The following HS2ST1 variants were observed in gnomAD, a reference collection of about 807,000 sequenced individuals.
The protein encoded by HS2ST1 is heparan sulfate 2-O-sulfotransferase 1.
Under a neutral mutation model 42.9 loss-of-function variants are expected in HS2ST1, and 18 were observed. That is an observed-to-expected ratio of 0.42 (90% confidence interval 0.29 to 0.62). The LOEUF (loss-of-function observed/expected upper bound fraction) is 0.62, where lower values mean the gene tolerates loss of function less well. Among genes scored for constraint, HS2ST1 ranks in the 20% least tolerant of loss-of-function variants. The probability of loss-of-function intolerance (pLI) is 0.21; values close to 1 mark genes in which losing one functional copy is unlikely to be tolerated. For missense variants in HS2ST1, 334 were observed against 433.8 expected (o/e 0.77, Z 2.04); for synonymous variants, 146 against 152.9 (o/e 0.95, Z 0.33).
chr1:87,064,574 G>A, intron 1 of HS2ST1: 3 of 514,486 alleles, frequency 5.8e-6, no homozygotes, highest in Admixed American at 3.9e-5. Flanking sequence ...GAAAGCATTT[G>A]TCAGTGTTCA....
chr1:86,924,589 C>T (rs549571633), intron 1 of HS2ST1, among the ~76,000 whole-genome samples: 1 of 152,190 alleles, frequency 6.6e-6, no homozygotes, highest in South Asian at 2.1e-4. Context: ...TTCTTGACTT[C>T]TGTGCACTCG....
intron 1 of HS2ST1, among the ~76,000 whole-genome samples, chr1:87,013,167 T>A (rs1649652715): frequency 6.6e-6 from 1 of 151,420 alleles, no homozygotes; most frequent in Non-Finnish European, 1.5e-5. Flanking sequence ...GTATAGGGGC[T>A]CCCACAGAGC....
intron 4 of HS2ST1, among the ~76,000 whole-genome samples, chr1:87,097,405 T>G (rs965595304): frequency 6.7e-6 from 1 of 148,170 alleles, no homozygotes; most frequent in Non-Finnish European, 1.5e-5. Context: ...TTTGTTTTTG[T>G]TTTTTTTGAG....
chr1:86,937,019 C>G (rs1264959613), intron 1 of HS2ST1, among the ~76,000 whole-genome samples: 1 of 151,264 alleles, frequency 6.6e-6, no homozygotes, highest in East Asian at 1.9e-4. Context: ...GCAGGACAAT[C>G]GCTTGAACCC....
chr1:87,065,642 A>G (rs1026044554), intron 1 of HS2ST1, among the ~76,000 whole-genome samples: 2 of 152,160 alleles, frequency 1.3e-5, no homozygotes, highest in Non-Finnish European at 2.9e-5. Context: ...AAGAGAGCAT[A>G]ATTTTCTCAT....
chr1:87,087,487 C>T (rs925773849), intron 3 of HS2ST1, among the ~76,000 whole-genome samples: 3 of 151,960 alleles, frequency 2.0e-5, no homozygotes, highest in Non-Finnish European at 2.9e-5. Flanking sequence ...TCCATATTGC[C>T]GCTAGTATCA....
intron 1 of HS2ST1, chr1:86,934,694 G>C (rs1660606827): frequency 1.3e-5 from 2 of 152,386 alleles, no homozygotes; most frequent in East Asian, 3.9e-4. Context: ...TTGGGAGGCC[G>C]AGGTGGGCGG....
intron 1 of HS2ST1, among the ~76,000 whole-genome samples, chr1:86,930,791 G>A (rs144376946): frequency 0.01 from 1,578 of 152,048 alleles, 17 homozygotes; most frequent in Middle Eastern, 0.014. Context: ...AATCTTCAAA[G>A]CACGAAAAGT....
chr1:87,087,655 C>T (rs1220613894), intron 3 of HS2ST1, among the ~76,000 whole-genome samples: 1 of 152,092 alleles, frequency 6.6e-6, no homozygotes, highest in Non-Finnish European at 1.5e-5. Flanking sequence ...GTGAGATTGT[C>T]CTTTCTACCT....
chr1:86,948,248 C>T (rs1647394295), intron 1 of HS2ST1, among the ~76,000 whole-genome samples: 2 of 152,148 alleles, frequency 1.3e-5, no homozygotes, highest in South Asian at 4.1e-4. Flanking sequence ...GAGGAGACTG[C>T]ATATGAGTTT....
chr1:86,973,634 G>T (rs1648303863), intron 1 of HS2ST1, among the ~76,000 whole-genome samples: 1 of 152,122 alleles, frequency 6.6e-6, no homozygotes, highest in Admixed American at 6.6e-5. Flanking sequence ...TTGACCCAAA[G>T]GGAGCTGAGG....
chr1:86,964,219 C>G (rs1408369380), intron 1 of HS2ST1, among the ~76,000 whole-genome samples: 2 of 152,116 alleles, frequency 1.3e-5, no homozygotes, highest in Non-Finnish European at 2.9e-5. Flanking sequence ...AGACACTCCT[C>G]ACTTCCCAGA....
chr1:87,074,782 G>A (rs1019803411), intron 2 of HS2ST1, among the ~76,000 whole-genome samples: 1 of 152,098 alleles, frequency 6.6e-6, no homozygotes, highest in Non-Finnish European at 1.5e-5. Flanking sequence ...TTTGTGTGGG[G>A]CAGCGCAGAA....
chr1:87,084,386 T>C, intron 3 of HS2ST1, 107 bp downstream of exon 3: 3 of 665,692 alleles, frequency 4.5e-6, no homozygotes, highest in African/African-American at 1.9e-5. Context: ...GAATGTACTG[T>C]CTTGCCTTTG....
intron 1 of HS2ST1, among the ~76,000 whole-genome samples, chr1:87,002,194 G>A (rs1191043733): frequency 1.3e-5 from 2 of 152,222 alleles, no homozygotes; most frequent in African/African-American, 4.8e-5. Flanking sequence ...TTACAGGCGT[G>A]AGCCACCGTG....
chr1:87,070,047 G>GTTGA (rs759727586), intron 1 of HS2ST1, among the ~76,000 whole-genome samples: 6 of 152,060 alleles, frequency 3.9e-5, no homozygotes. Flanking sequence ...ATTCAGCATT[G>GTTGA]TTGATTGTAA....
At chr1:87,058,119 C>T (rs1651024378) in intron 1 of HS2ST1, among the ~76,000 whole-genome samples, 1 of 151,626 alleles carries the variant, frequency 6.6e-6, no homozygotes, top group Non-Finnish European at 1.5e-5. Context: ...TGGAACTTAT[C>T]TCAGGGTTAT....
At chr1:86,961,238 TA>T (rs960020298) in intron 1 of HS2ST1, among the ~76,000 whole-genome samples, 28 of 146,534 alleles carry the variant, frequency 1.9e-4, no homozygotes, top group South Asian at 4.3e-4. Context: ...CTCTGTCCAT[TA>T]AAAAAAAAAA....
chr1:87,019,412 A>G (rs887868075), intron 1 of HS2ST1, among the ~76,000 whole-genome samples: 2 of 152,256 alleles, frequency 1.3e-5, no homozygotes, highest in South Asian at 4.1e-4. Context: ...TGTATGTTGT[A>G]GATGTCTTTC....
Sources: allele counts gnomAD v4.1 joint callset (sites outside exome capture counted in the v4.1 genomes callset), GRCh38; gene constraint gnomAD v4.1.1; transcripts MANE v1.5; gene names NCBI Gene and HGNC (gene_info 2026-07-23, HGNC 2026-07-21).